The following CTNND2 variants were observed in gnomAD, a reference collection of about 807,000 sequenced individuals.
CTNND2 encodes the protein catenin delta 2.
Under a neutral mutation model 144.4 loss-of-function variants are expected in CTNND2, and 22 were observed. The ratio of observed to expected loss-of-function variants is 0.15; its 90% confidence interval spans 0.11 to 0.22. CTNND2 has a LOEUF of 0.22. Ranked by LOEUF, CTNND2 falls within the 10% of genes least tolerant of loss-of-function variation. The pLI is 1.00. For synonymous variants in CTNND2, 751 were observed against 695.6 expected, an observed-to-expected ratio of 1.08 and a Z score of -1.25; for missense variants, 1,353 against 1,618.8, an observed-to-expected ratio of 0.84 and a Z score of 2.82.
chr5:11,892,636 C>CA (rs907925715), intron 1 of CTNND2, among the ~76,000 whole-genome samples: 4 of 150,056 alleles, frequency 2.7e-5, no homozygotes, highest in Non-Finnish European at 4.4e-5. Context: ...GAGAAACTGC[C>CA]AAAAAAAAGA....
intron 1 of CTNND2, among the ~76,000 whole-genome samples, chr5:11,852,471 T>C (rs1291065120): frequency 2.0e-5 from 3 of 152,138 alleles, no homozygotes; most frequent in Non-Finnish European, 4.4e-5. Flanking sequence ...GTGAGAAAAC[T>C]GGAGTAAACA....
At position 11,788,727 on chromosome 5, in the gene CTNND2, G is replaced by C. The variant is rs939254868; in HGVS notation, c.38-56455C>G. ...AAGTTCTAGGGTACATGTGCGCAATGTGCAGGTTTGTTACATATGTATACA... is the reference window on the plus strand; with the variant it reads ...AAGTTCTAGGGTACATGTGCGCAATCTGCAGGTTTGTTACATATGTATACA... On this transcript the variant is annotated intron_variant, in intron 1 of 21. Transcript: ENST00000304623. Among the ~76,000 whole-genome samples the C allele has an allele frequency of 5.9e-5, 9 of 152,046 alleles. 1 individual carries two copies. In the South Asian group the frequency reaches 1.7e-3, roughly 28 times the overall value.
At chr5:11,888,047 G>A (rs1160112790) in intron 1 of CTNND2, among the ~76,000 whole-genome samples, 1 of 152,184 alleles carries the variant, frequency 6.6e-6, no homozygotes, top group Non-Finnish European at 1.5e-5. Flanking sequence ...GGTATTACCA[G>A]CATATTCAAT....
chr5:11,860,362 A>G (rs993672725), intron 1 of CTNND2, among the ~76,000 whole-genome samples: 13 of 152,232 alleles, frequency 8.5e-5, no homozygotes, highest in African/African-American at 2.9e-4. Flanking sequence ...TGTTGTTTTA[A>G]TAATATTTTG....
chr5:11,423,621 T>A (rs1453470288), intron 3 of CTNND2, among the ~76,000 whole-genome samples: 1 of 152,214 alleles, frequency 6.6e-6, no homozygotes, highest in East Asian at 1.9e-4. Flanking sequence ...TGTGATATTA[T>A]GTGCATGAGT....
At chr5:11,456,762 T>C (rs1765771899) in intron 3 of CTNND2, among the ~76,000 whole-genome samples, 1 of 152,180 alleles carries the variant, frequency 6.6e-6, no homozygotes, top group African/African-American at 2.4e-5. Context: ...TATTTTTCCA[T>C]TGAATGCTGC....
At chr5:11,398,697 C>T (rs1404876164) in intron 5 of CTNND2, among the ~76,000 whole-genome samples, 1 of 152,072 alleles carries the variant, frequency 6.6e-6, no homozygotes, top group Non-Finnish European at 1.5e-5. Flanking sequence ...ATTTAAGAAA[C>T]CCAGTCCTGA....
At chr5:11,659,626 A>G (rs534889086) in intron 2 of CTNND2, among the ~76,000 whole-genome samples, 65 of 152,208 alleles carry the variant, frequency 4.3e-4, no homozygotes, top group African/African-American at 1.5e-3. Flanking sequence ...CTCTCCCTAC[A>G]CAGGTGCAGT....
At chr5:11,490,503 G>A (rs867699713) in intron 3 of CTNND2, among the ~76,000 whole-genome samples, 5 of 151,964 alleles carry the variant, frequency 3.3e-5, no homozygotes, top group African/African-American at 1.2e-4. Context: ...AATGCCAGAT[G>A]TAATGAGAAC....
At chr5:11,541,548 G>C (rs575955811) in intron 3 of CTNND2, among the ~76,000 whole-genome samples, 3 of 152,276 alleles carry the variant, frequency 2.0e-5, no homozygotes, top group South Asian at 4.1e-4. Context: ...GTAGGGATCA[G>C]AGGAAAAGCC....
chr5:11,319,842 G>A (rs971123999), intron 9 of CTNND2, among the ~76,000 whole-genome samples: 3 of 152,138 alleles, frequency 2.0e-5, no homozygotes, highest in African/African-American at 4.8e-5. Context: ...ACAGTTATCT[G>A]TATTTTTTCA....
chr5:11,270,127 T>C (rs1197649695), intron 9 of CTNND2, among the ~76,000 whole-genome samples: 2 of 152,180 alleles, frequency 1.3e-5, no homozygotes, highest in Non-Finnish European at 2.9e-5. Flanking sequence ...ATACTGAAAT[T>C]TACTAGAATT....
intron 2 of CTNND2, among the ~76,000 whole-genome samples, chr5:11,627,635 G>T (rs1482948006): frequency 6.6e-6 from 1 of 151,846 alleles, no homozygotes; most frequent in Non-Finnish European, 1.5e-5. Flanking sequence ...TTACAGCAGT[G>T]GTCCCCAACC....
chr5:11,402,645 T>C (rs902843313), intron 5 of CTNND2, among the ~76,000 whole-genome samples: 7 of 152,190 alleles, frequency 4.6e-5, no homozygotes, highest in Admixed American at 4.6e-4. Context: ...TTTGGAGGAG[T>C]TTCTCTGAGG....
chr5:11,489,346 T>A (rs1769165516), intron 3 of CTNND2, among the ~76,000 whole-genome samples: 1 of 152,168 alleles, frequency 6.6e-6, no homozygotes, highest in Admixed American at 6.5e-5. Flanking sequence ...CCCTCTGAGA[T>A]TCAGTGTCTA....
At chr5:11,161,505 T>C (rs890278109) in intron 11 of CTNND2, among the ~76,000 whole-genome samples, 2 of 152,184 alleles carry the variant, frequency 1.3e-5, no homozygotes, top group Admixed American at 6.5e-5. Context: ...TATTCATCCA[T>C]TGAGAAATGT....
intron 3 of CTNND2, 58 bp from the exon 4 acceptor site, chr5:11,412,127 C>G (rs1308604195): frequency 3.0e-5 from 42 of 1,395,918 alleles, no homozygotes; most frequent in Non-Finnish European, 4.2e-5. Flanking sequence ...AAATAAAACC[C>G]TAAAATCTAA....
At chr5:11,095,502 A>C (rs1751243503) in intron 15 of CTNND2, among the ~76,000 whole-genome samples, 1 of 152,238 alleles carries the variant, frequency 6.6e-6, no homozygotes, top group South Asian at 2.1e-4. Flanking sequence ...GCAACCCTCA[A>C]GGAAGACATA....
At chr5:11,182,612 C>T (rs932625821) in intron 11 of CTNND2, among the ~76,000 whole-genome samples, 1 of 152,048 alleles carries the variant, frequency 6.6e-6, no homozygotes, top group African/African-American at 2.4e-5. Context: ...GCAACTCTTA[C>T]TACTAGCCAT....
Sources: allele counts gnomAD v4.1 joint callset (sites outside exome capture counted in the v4.1 genomes callset), GRCh38; gene constraint gnomAD v4.1.1; transcripts MANE v1.5; gene names NCBI Gene and HGNC (gene_info 2026-07-23, HGNC 2026-07-21).